FNTB: variants seen among roughly 807,000 people sequenced by gnomAD.
The protein encoded by FNTB is farnesyltransferase, CAAX box, subunit beta, also known as protein farnesyltransferase subunit beta.
Under a neutral mutation model 59.4 loss-of-function variants are expected in FNTB, and 27 were observed. That is an observed-to-expected ratio of 0.45 (90% CI 0.34 to 0.63). The LOEUF (loss-of-function observed/expected upper bound fraction) is 0.63, where lower values mean the gene tolerates loss of function less well. FNTB is among the 20% of genes least tolerant of loss of function. FNTB has a pLI of 0.02. For synonymous variants in FNTB, 230 were observed against 220.7 expected (o/e 1.04, Z -0.37); for missense variants, 449 against 559.6 (o/e 0.80, Z 1.99).
Position 65,054,814 on chromosome 14 carries a change from C to A in FNTB, c.1182+125C>A. Reference sequence around the variant, plus strand: ...CAGGCGGAAGCTTGTGGTCCCTCTGCCCTTCGAGCTGTGCAGCCGTTAGTG... The same window carrying A: ...CAGGCGGAAGCTTGTGGTCCCTCTGACCTTCGAGCTGTGCAGCCGTTAGTG... On this transcript the variant is annotated intron_variant, in intron 11 of 11. Coordinates refer to ENST00000246166, the MANE Select transcript of FNTB (RefSeq NM_002028.4). This position sits in a 1 kb window ranked among gnomAD's most constrained non-coding sequence, Gnocchi z 4.4. The A allele has an allele frequency of 9.4e-7, 1 of 1,063,006 alleles. No individual in the cohort carries two copies. The highest frequency in any genetic ancestry group is 1.4e-6 in the Non-Finnish European group (1 of 736,314). The allele number at this position is 1,063,006 out of a possible 1,614,324, so 65.8% of individuals were successfully genotyped here.
At chr14:65,052,621 TTAG>T (rs1477141176) in intron 9 of FNTB, among the ~76,000 whole-genome samples, 2 of 152,220 alleles carry the variant, frequency 1.3e-5, no homozygotes, top group East Asian at 3.8e-4. Flanking sequence ...TGTCAGTACC[TTAG>T]TAGTATTACC....
chr14:65,056,275 T>G (rs2062735153), intron 11 of FNTB, among the ~76,000 whole-genome samples: 1 of 152,212 alleles, frequency 6.6e-6, no homozygotes, highest in South Asian at 2.1e-4. Flanking sequence ...TGATACTCCC[T>G]TATATAAATG....
intron 4 of FNTB, among the ~76,000 whole-genome samples, chr14:65,017,849 GGAGGCTGA>G (rs1181679412): frequency 1.3e-5 from 2 of 152,034 alleles, no homozygotes; most frequent in Non-Finnish European, 2.9e-5. Flanking sequence ...CAGCTACTCG[GGAGGCTGA>G]GGCAGGAGAA....
rs559687832 is a variant in FNTB, at chr14:65,009,956, C to G, written c.210-2361C>G. ...CAGCCTCTACCCCAGTGCTGGACAA[C>G]ACTCTGCCCACACAGATGGGTGCTC... On this transcript the variant is annotated intron_variant, in intron 2 of 11. Transcript: ENST00000246166. The surrounding 1 kb of genome is among the most constrained non-coding windows in gnomAD (Gnocchi z 4.2). Among the ~76,000 whole-genome samples, 1 of 152,156 alleles carries G rather than the reference C, an allele frequency of 6.6e-6. No homozygotes were observed. Among genetic ancestry groups the G allele is most frequent in the Non-Finnish European group, 1.5e-5 (1 of 68,034 alleles).
In FNTB at chr14:65,017,677, G is replaced by A. The variant is rs1416502703; in HGVS notation, c.374+1961G>A. The stretch of plus-strand genomic sequence containing the variant: ...AAAAATTTTTTTTAAATGTAAAGCT[G>A]GGTGTGGTGGCTCACGCCTGTAATC... On this transcript the variant is annotated intron_variant, in intron 4 of 11. Transcript: ENST00000246166. Among the ~76,000 whole-genome samples the A allele has an allele frequency of 2.0e-5, 3 of 152,192 alleles. No homozygotes were observed. In the East Asian group the frequency reaches 5.8e-4, roughly 29 times the overall value.
chr14:65,006,201 T>C (rs774472429), intron 2 of FNTB: 36 of 1,613,166 alleles, frequency 2.2e-5, no homozygotes, highest in Admixed American at 3.3e-5. Flanking sequence ...AAACTTTTTC[T>C]GATTAGCCAT....
chr14:65,031,914 C>A lies in FNTB; in HGVS notation c.606-696C>A, dbSNP rs542728353. The stretch of plus-strand genomic sequence containing the variant: ...CTAGCCTGGGCGACAGAGTGAGACC[C>A]TGTCTCAATAAAAACCAAAACAAAA... On this transcript the variant is annotated intron_variant, in intron 6 of 11. Coordinates refer to ENST00000246166, the MANE Select transcript of FNTB (RefSeq NM_002028.4). This position sits in a 1 kb window ranked among gnomAD's most constrained non-coding sequence, Gnocchi z 4.6. 6.6e-6 allele frequency among the ~76,000 whole-genome samples: 1 copy of A among 152,054 alleles called. No homozygotes were observed. The highest frequency in any genetic ancestry group is 2.4e-5 in the African/African-American group (1 of 41,502).
In FNTB at chr14:65,061,569, C is replaced by T. The variant is rs931400728; in HGVS notation, c.*257C>T. 20 of 421,356 alleles carry T rather than the reference C, an allele frequency of 4.7e-5. No individual in the cohort carries two copies. The highest frequency in any genetic ancestry group is 8.1e-5 in the Non-Finnish European group (19 of 234,564). The allele number at this position is 421,356 out of a possible 1,614,324, so 26.1% of individuals were successfully genotyped here. ...TGGTGTGGTTGGTGAACAGTGCATG[C>T]CAGGAGGAAGCAGTCCCTCCTCACC... On this transcript the variant is annotated 3_prime_UTR_variant, in exon 12 of 12. Transcript: ENST00000246166.
chr14:65,030,696 C>T lies in FNTB; in HGVS notation c.606-1914C>T, dbSNP rs1459117353. Among the ~76,000 whole-genome samples the T allele has an allele frequency of 2.6e-5, 4 of 151,466 alleles. No individual in the cohort carries two copies. The highest frequency in any genetic ancestry group is 4.4e-5 in the Non-Finnish European group (3 of 67,944). ...TTGAGGTTGCAGTGAGCCATGATAGCGCCACTGCACTGCAGCCTGGGCAAC... is the reference window on the plus strand; with the variant it reads ...TTGAGGTTGCAGTGAGCCATGATAGTGCCACTGCACTGCAGCCTGGGCAAC... On this transcript the variant is annotated intron_variant, in intron 6 of 11. Coordinates refer to ENST00000246166, the MANE Select transcript of FNTB (RefSeq NM_002028.4). This position sits in a 1 kb window ranked among gnomAD's most constrained non-coding sequence, Gnocchi z 4.5.
Position 65,044,471 on chromosome 14 carries a change from G to T in FNTB, c.955+28G>T, listed in dbSNP as rs1386759647. ...GAGCCTGGGGAGCTGTTCACTTGGG[G>T]CTGGATGATTTCCCTCCACTACTCA... On this transcript the variant is annotated intron_variant, in intron 9 of 11. Transcript: ENST00000246166. This position sits in a 1 kb window ranked among gnomAD's most constrained non-coding sequence, Gnocchi z 5.5. 1 of 1,582,146 alleles carries T rather than the reference G, an allele frequency of 6.3e-7. No individual in the cohort carries two copies. The highest frequency in any genetic ancestry group is 2.3e-5 in the East Asian group (1 of 43,694).
At chr14:64,996,258 C>T (rs1452871496) in intron 1 of FNTB, among the ~76,000 whole-genome samples, 1 of 152,144 alleles carries the variant, frequency 6.6e-6, no homozygotes, top group Non-Finnish European at 1.5e-5. Context: ...TGAGACCAGC[C>T]TGTGCAACAT....
rs1232248270 is a variant in FNTB at position 65,047,009 on chromosome 14, C to T, written c.955+2566C>T. Among the ~76,000 whole-genome samples, 1 of 152,072 alleles carries T rather than the reference C, an allele frequency of 6.6e-6. No homozygotes were observed. The highest frequency in any genetic ancestry group is 1.9e-4 in the East Asian group (1 of 5,200). On this transcript the variant is annotated intron_variant, in intron 9 of 11. Coordinates refer to ENST00000246166, the MANE Select transcript of FNTB (RefSeq NM_002028.4). This position sits in a 1 kb window ranked among gnomAD's most constrained non-coding sequence, Gnocchi z 5.2. ...ATAACAAGTGATGAATGGCTAATTT[C>T]TTTAATTTGAAAAAAAATCATACAA...
intron 7 of FNTB, among the ~76,000 whole-genome samples, chr14:65,034,623 T>G (rs2062150870): frequency 6.6e-6 from 1 of 152,158 alleles, no homozygotes; most frequent in African/African-American, 2.4e-5. Context: ...AGCTGGAGAG[T>G]AGGCACTGCC....
chr14:65,025,260 G>A (rs1363423935), intron 4 of FNTB, among the ~76,000 whole-genome samples: 2 of 152,110 alleles, frequency 1.3e-5, no homozygotes, highest in African/African-American at 2.4e-5. Context: ...TGTTGCGTTC[G>A]GCACGATTCT....
At chr14:65,034,240 G>A (rs1303038126) in intron 7 of FNTB, among the ~76,000 whole-genome samples, 1 of 152,166 alleles carries the variant, frequency 6.6e-6, no homozygotes, top group Non-Finnish European at 1.5e-5. Flanking sequence ...CTCTCAGCTT[G>A]CTACACAGCA....
At position 65,011,453 on chromosome 14, in the gene FNTB, G is replaced by T. The variant is rs201721177; in HGVS notation, c.210-864G>T. Among the ~76,000 whole-genome samples, 139 of 130,644 alleles carry T rather than the reference G, an allele frequency of 1.1e-3. 1 individual carries two copies. Among genetic ancestry groups the T allele is most frequent in the Middle Eastern group, 7.6e-3 (2 of 264 alleles). The allele number at this position is 130,644 out of a possible 152,430, so 85.7% of individuals were successfully genotyped here. On this transcript the variant is annotated intron_variant, in intron 2 of 11. Coordinates refer to ENST00000246166, the MANE Select transcript of FNTB (RefSeq NM_002028.4). The surrounding 1 kb of genome is among the most constrained non-coding windows in gnomAD (Gnocchi z 4.0). ...CAGGAAAAAAAAAAAAAAAAAAAAAGACTGCATGAAGGCTCTTACTCTGAG... is the reference window on the plus strand; with the variant it reads ...CAGGAAAAAAAAAAAAAAAAAAAAATACTGCATGAAGGCTCTTACTCTGAG...
At chr14:64,992,880 C>G (rs1594982122) in intron 1 of FNTB, among the ~76,000 whole-genome samples, 2 of 152,202 alleles carry the variant, frequency 1.3e-5, no homozygotes, top group Middle Eastern at 6.8e-3. Flanking sequence ...ACTCTGTTTC[C>G]CAGGCTGGAG....
Position 65,053,253 on chromosome 14 carries a change from G to A in FNTB, c.971G>A (p.Ser324Asn). Reference sequence around the variant, plus strand: ...CCTTCAACAGGTGACCCTGCCCTTAGCATGAGCCACTGGATGTTCCATCAG... The same window carrying A: ...CCTTCAACAGGTGACCCTGCCCTTAACATGAGCCACTGGATGTTCCATCAG... Reference protein sequence around the residue: ...ALHAQGDPALSMSHWMFHQQA... With the variant: ...ALHAQGDPALNMSHWMFHQQA... The change falls in exon 10 of 12, where the codon AGC (serine) becomes AAC (asparagine). Residue 324 changes from serine (S) to asparagine (N), a missense_variant. By Grantham distance (46) the Ser-to-Asn change is conservative. Around this residue, in one of 2 missense-constraint regions of FNTB, gnomAD observed 337 missense variants for 479.1 expected, o/e 0.70. Transcript: ENST00000246166. 3 of 1,423,182 alleles carry A rather than the reference G, an allele frequency of 2.1e-6. No homozygotes were observed. The highest frequency in any genetic ancestry group is 1.9e-6 in the Non-Finnish European group (2 of 1,077,434). 88.2% of individuals were successfully genotyped at this position (1,423,182 alleles called of 1,614,324 possible). A position where few individuals can be genotyped will look rare whatever the true frequency, so the allele number is the denominator to read the frequency against.
At chr14:65,004,453 A>G (rs2061551187) in intron 2 of FNTB, 140 bp downstream of exon 2, 1 of 871,308 alleles carries the variant, frequency 1.1e-6, no homozygotes, top group South Asian at 1.7e-5. Context: ...GGTTACCTGG[A>G]TATGCTAAGA....
Sources: gnomAD v4.1 joint callset for allele counts (sites outside exome capture counted in the v4.1 genomes callset) on GRCh38, gnomAD v4.1.1 for gene constraint, gnomAD v4.1.1 regional missense constraint, Gnocchi (gnomAD v3.1) non-coding constraint, MANE v1.5 for transcripts, NCBI Gene and HGNC (gene_info 2026-07-23, HGNC 2026-07-21) for gene names.